SPIDR: variants seen among roughly 807,000 people sequenced by gnomAD.
SPIDR encodes scaffold protein involved in DNA repair.
Under a neutral mutation model 104.6 loss-of-function variants are expected in SPIDR, and 93 were observed. That is an observed-to-expected ratio of 0.89 (90% confidence interval 0.75 to 1.06). The LOEUF is 1.06. SPIDR is among the 50% of genes least tolerant of loss of function. The pLI is 0.00. For synonymous variants in SPIDR, 431 were observed against 416.9 expected (o/e 1.03, Z -0.41); for missense variants, 1,154 against 1,111.2 (o/e 1.04, Z -0.55).
chr8:47,523,290 T>C lies in SPIDR; in HGVS notation c.1098-72521T>C, dbSNP rs554696656. Among the ~76,000 whole-genome samples, 4 of 152,308 alleles carry C rather than the reference T, an allele frequency of 2.6e-5. No individual in the cohort carries two copies. In the South Asian group the frequency reaches 8.3e-4, roughly 32 times the overall value. On this transcript the variant is annotated intron_variant, in intron 8 of 19. Transcript: ENST00000297423. Reference sequence around the variant, plus strand: ...AAACCTATTTCGTTTTACTTGACCCTAACTAGATCAACAAGATAAGGATAT... The same window carrying C: ...AAACCTATTTCGTTTTACTTGACCCCAACTAGATCAACAAGATAAGGATAT...
At chr8:47,401,220 T>G (rs6989958) in intron 6 of SPIDR, among the ~76,000 whole-genome samples, 15,743 of 152,210 alleles carry the variant, frequency 0.1, 1,208 homozygotes, top group African/African-American at 0.21. Context: ...ACCCAGAATT[T>G]CATATCCAGC....
At chr8:47,452,065 G>A (rs1444899795) in intron 8 of SPIDR, among the ~76,000 whole-genome samples, 3 of 151,980 alleles carry the variant, frequency 2.0e-5, no homozygotes, top group African/African-American at 7.3e-5. Context: ...ACCCAAGAAG[G>A]CCAATGTACT....
chr8:47,410,313 T>G (rs1023990992), intron 7 of SPIDR, among the ~76,000 whole-genome samples: 4 of 151,958 alleles, frequency 2.6e-5, no homozygotes, highest in African/African-American at 9.7e-5. Flanking sequence ...CCGGAGTAGC[T>G]GGGACTATAG....
In SPIDR at chr8:47,598,844, T is replaced by C. The variant is rs546178951; in HGVS notation, c.1294-102T>C. Reference sequence around the variant, plus strand: ...GTGTAGTGCAGATCCATTGGGTGGCTGCTTAAGGATGTCATTATTTGGTGT... The same window carrying C: ...GTGTAGTGCAGATCCATTGGGTGGCCGCTTAAGGATGTCATTATTTGGTGT... On this transcript the variant is annotated intron_variant, in intron 9 of 19. Transcript: ENST00000297423. 4.9e-4 allele frequency: 705 copies of C among 1,449,760 alleles called. 2 individuals are homozygous for C. In the African/African-American group the frequency reaches 9.1e-3, roughly 19 times the overall value. 89.8% of individuals were successfully genotyped at this position (1,449,760 alleles called of 1,614,324 possible). A position where few individuals can be genotyped will look rare whatever the true frequency, so the allele number is the denominator to read the frequency against.
At chr8:47,280,394 AT>A (rs11435263) in intron 2 of SPIDR, among the ~76,000 whole-genome samples, 176 of 138,656 alleles carry the variant, frequency 1.3e-3, no homozygotes, top group Non-Finnish European at 1.5e-3. Flanking sequence ...TGCCTGGCTA[AT>A]TTTTTTTTTT....
chr8:47,416,208 A>C (rs1554675252), intron 7 of SPIDR, among the ~76,000 whole-genome samples: 1 of 152,210 alleles, frequency 6.6e-6, no homozygotes, highest in East Asian at 1.9e-4. Context: ...GCGCCACTGC[A>C]CTCCAGCCTG....
intron 8 of SPIDR, chr8:47,592,290 G>A: frequency 8.8e-7 from 1 of 1,138,200 alleles, no homozygotes. Context: ...GTTGATAGCA[G>A]AACTGTGTGC....
intron 8 of SPIDR, among the ~76,000 whole-genome samples, chr8:47,583,027 T>C (rs906536255): frequency 6.6e-6 from 1 of 152,038 alleles, no homozygotes; most frequent in Non-Finnish European, 1.5e-5. Flanking sequence ...CATTTTAGCC[T>C]GTCCTACCAC....
chr8:47,375,753 A>G (rs782671881), intron 5 of SPIDR, among the ~76,000 whole-genome samples: 2 of 152,134 alleles, frequency 1.3e-5, no homozygotes, highest in Non-Finnish European at 2.9e-5. Flanking sequence ...GTGCCCAGAA[A>G]TGTCTTGTTT....
chr8:47,683,335 C>A (rs2077327051), intron 11 of SPIDR, among the ~76,000 whole-genome samples: 1 of 152,202 alleles, frequency 6.6e-6, no homozygotes, highest in Admixed American at 6.5e-5. Flanking sequence ...GCCCTCAAGG[C>A]ATTTACACTC....
chr8:47,512,602 C>CTG (rs1162892952), intron 8 of SPIDR, among the ~76,000 whole-genome samples: 1 of 152,184 alleles, frequency 6.6e-6, no homozygotes, highest in Non-Finnish European at 1.5e-5. Flanking sequence ...CCCGACAGCC[C>CTG]TGACCACGGA....
At chr8:47,340,632 C>A (rs555256028) in intron 5 of SPIDR, among the ~76,000 whole-genome samples, 1 of 152,004 alleles carries the variant, frequency 6.6e-6, no homozygotes, top group Non-Finnish European at 1.5e-5. Context: ...CCAAAAAAAC[C>A]CCAAAAATCC....
At chr8:47,550,137 G>T (rs2090194414) in intron 8 of SPIDR, among the ~76,000 whole-genome samples, 2 of 152,016 alleles carry the variant, frequency 1.3e-5, no homozygotes, top group South Asian at 2.1e-4. Context: ...CTCTGTTTTG[G>T]TACCAGTACC....
intron 8 of SPIDR, among the ~76,000 whole-genome samples, chr8:47,529,831 T>C (rs2085638653): frequency 2.0e-5 from 3 of 152,236 alleles, no homozygotes; most frequent in African/African-American, 7.2e-5. Flanking sequence ...ATTTTGTTAT[T>C]GTAAAGTACT....
chr8:47,490,162 AC>A (rs1400276607), intron 8 of SPIDR, among the ~76,000 whole-genome samples: 2 of 152,254 alleles, frequency 1.3e-5, no homozygotes, highest in Non-Finnish European at 2.9e-5. Context: ...ACAGGAAAAA[AC>A]AACCCCATCA....
chr8:47,450,352 C>T (rs991220276), intron 8 of SPIDR, among the ~76,000 whole-genome samples: 2 of 152,212 alleles, frequency 1.3e-5, no homozygotes, highest in East Asian at 3.9e-4. Context: ...TGATAGCTAG[C>T]CCACTCCTAT....
In SPIDR at chr8:47,422,085, G is replaced by A. The variant is rs189104438; in HGVS notation, c.877+14124G>A. ...CCCCACTTGAGGAGGCAGTGTGTCC[G>A]TTCTCAGATCTCCAGCTGCGTGCTG... On this transcript the variant is annotated intron_variant, in intron 7 of 19. Transcript: ENST00000297423. Among the ~76,000 whole-genome samples, 248 of 152,320 alleles carry A rather than the reference G, an allele frequency of 1.6e-3. 1 individual carries two copies. The highest frequency in any genetic ancestry group is 5.7e-3 in the African/African-American group (236 of 41,576).
chr8:47,309,346 TTTATA>T (rs1563559501), intron 5 of SPIDR, among the ~76,000 whole-genome samples: 2 of 152,194 alleles, frequency 1.3e-5, no homozygotes, highest in Non-Finnish European at 1.5e-5. Flanking sequence ...TTACTGTTAT[TTTATA>T]TTATAACTCA....
At chr8:47,564,310 T>C (rs1196148246) in intron 8 of SPIDR, among the ~76,000 whole-genome samples, 1 of 152,066 alleles carries the variant, frequency 6.6e-6, no homozygotes, top group African/African-American at 2.4e-5. Context: ...ATCTCTTGAC[T>C]TTGTGATCTG....
Sources: allele counts gnomAD v4.1 joint callset (sites outside exome capture counted in the v4.1 genomes callset), GRCh38; gene constraint gnomAD v4.1.1; transcripts MANE v1.5; gene names NCBI Gene and HGNC (gene_info 2026-07-23, HGNC 2026-07-21).